The following PAM variants were observed in gnomAD, a reference collection of about 807,000 sequenced individuals.
PAM encodes the protein peptidyl-glycine alpha-amidating monooxygenase.
PAM carries 72 observed loss-of-function variants against 122.1 expected under a neutral mutation model. The ratio of observed to expected loss-of-function variants is 0.59; its 90% CI spans 0.49 to 0.72. The LOEUF (loss-of-function observed/expected upper bound fraction) is 0.72, where lower values mean the gene tolerates loss of function less well. Ranked by LOEUF, PAM falls within the 30% of genes least tolerant of loss-of-function variation. The pLI is 0.00. For missense variants in PAM, 1,106 were observed against 1,183.7 expected, an observed-to-expected ratio of 0.93 and a Z score of 0.96; for synonymous variants, 389 against 404.4, an observed-to-expected ratio of 0.96 and a Z score of 0.46.
intron 1 of PAM, among the ~76,000 whole-genome samples, chr5:102,860,079 T>C (rs976296537): frequency 1.2e-4 from 18 of 152,320 alleles, no homozygotes; most frequent in African/African-American, 4.3e-4. Context: ...TTCTATAATT[T>C]GCTGTTCAAA....
intron 3 of PAM, among the ~76,000 whole-genome samples, chr5:102,867,984 T>C (rs545756590): frequency 6.6e-6 from 1 of 152,360 alleles, no homozygotes; most frequent in East Asian, 1.9e-4. Flanking sequence ...TAGAGCATTT[T>C]GTGTAGAACT....
At chr5:102,888,635 A>T (rs554927580) in intron 3 of PAM, among the ~76,000 whole-genome samples, 1 of 151,722 alleles carries the variant, frequency 6.6e-6, no homozygotes, top group South Asian at 2.1e-4. Context: ...ACTTACTCCC[A>T]TCTCAGGGTT....
intron 7 of PAM, among the ~76,000 whole-genome samples, chr5:102,931,853 C>T (rs1751654594): frequency 6.6e-6 from 1 of 150,966 alleles, no homozygotes; most frequent in Non-Finnish European, 1.5e-5. Flanking sequence ...GGCTTGTTTC[C>T]ATGCCTTTCT....
chr5:102,775,437 A>G (rs922635287), intron 1 of PAM, among the ~76,000 whole-genome samples: 2 of 152,036 alleles, frequency 1.3e-5, no homozygotes, highest in Non-Finnish European at 1.5e-5. Context: ...CTATCAACCC[A>G]TCACCTAGGT....
At chr5:102,917,407 G>T (rs1043982190) in intron 5 of PAM, among the ~76,000 whole-genome samples, 3 of 152,160 alleles carry the variant, frequency 2.0e-5, no homozygotes, top group Non-Finnish European at 4.4e-5. Flanking sequence ...GCACTTAAAT[G>T]AAGACTCCTA....
rs530861586 is a variant in PAM at position 102,941,972 on chromosome 5, T to C, written c.527-4865T>C. Among the ~76,000 whole-genome samples the C allele has an allele frequency of 3.0e-4, 45 of 152,246 alleles. 1 individual carries two copies. The highest frequency in any genetic ancestry group is 3.4e-3 in the Middle Eastern group (1 of 292). On this transcript the variant is annotated intron_variant, in intron 7 of 25. Coordinates refer to ENST00000438793, the MANE Select transcript of PAM (RefSeq NM_001177306.2). ...TCCCTCAGTTGGGTTCATTTTTTAT[T>C]TGCCTCTCATACCTATGTCCCATCT... is the stretch of plus-strand genomic sequence containing the variant.
At chr5:102,846,257 G>T (rs991542899) in intron 1 of PAM, among the ~76,000 whole-genome samples, 5 of 152,150 alleles carry the variant, frequency 3.3e-5, no homozygotes, top group African/African-American at 9.7e-5. Context: ...GAATGAGCTT[G>T]TAAAACACAC....
At chr5:102,928,932 C>G (rs533993081) in intron 7 of PAM, among the ~76,000 whole-genome samples, 1 of 152,014 alleles carries the variant, frequency 6.6e-6, no homozygotes, top group Non-Finnish European at 1.5e-5. Flanking sequence ...AAATGGCCCT[C>G]ACTAGGACAT....
intron 1 of PAM, among the ~76,000 whole-genome samples, chr5:102,837,244 C>T (rs1254968823): frequency 6.6e-6 from 1 of 152,182 alleles, no homozygotes; most frequent in Admixed American, 6.6e-5. Context: ...GCTTCATCAT[C>T]TTCGTACCAC....
intron 15 of PAM, chr5:102,989,771 C>T (rs1773399018): frequency 1.4e-5 from 2 of 142,044 alleles, no homozygotes; most frequent in Non-Finnish European, 3.1e-5. Context: ...ACTGAATATC[C>T]AGAATTTACT....
intron 3 of PAM, among the ~76,000 whole-genome samples, chr5:102,895,217 T>C (rs1795876439): frequency 6.6e-6 from 1 of 151,816 alleles, no homozygotes; most frequent in Non-Finnish European, 1.5e-5. Flanking sequence ...GCTAAAACAT[T>C]GCCAACCCCC....
chr5:102,946,613 C>T (rs3776874), intron 7 of PAM, among the ~76,000 whole-genome samples: 41,981 of 147,316 alleles, frequency 0.28, 6,279 homozygotes, highest in East Asian at 0.43. Context: ...TCAAGAAATA[C>T]CATAGACTGC....
intron 15 of PAM, 21 bp from the exon 16 acceptor site, chr5:102,990,251 A>C (rs769615382): frequency 4.0e-6 from 6 of 1,512,210 alleles, no homozygotes; most frequent in Non-Finnish European, 4.5e-6. Flanking sequence ...TTTACACTAA[A>C]TGTGTGGATA....
At chr5:102,998,929 A>G (rs571247257) in intron 16 of PAM, among the ~76,000 whole-genome samples, 2 of 152,324 alleles carry the variant, frequency 1.3e-5, no homozygotes, top group African/African-American at 4.8e-5. Context: ...AGACTGGGTA[A>G]TTTATAAAGG....
In PAM at chr5:103,010,115, T is replaced by A. The variant is rs576966236; in HGVS notation, c.2331+249T>A. On this transcript the variant is annotated intron_variant, in intron 21 of 25. Transcript: ENST00000438793. ...TAGCACGTGTGCAGTTCTAAGGTTCTTAGTAGAACTGCACCTGCATATGAT... is the reference window on the plus strand; with the variant it reads ...TAGCACGTGTGCAGTTCTAAGGTTCATAGTAGAACTGCACCTGCATATGAT... Among the ~76,000 whole-genome samples the A allele has an allele frequency of 2.6e-5, 4 of 152,320 alleles. No homozygotes were observed. In the South Asian group the frequency reaches 6.2e-4, roughly 24 times the overall value.
rs1289467854 is a variant in PAM, at chr5:103,020,405, T to A, written c.2485+562T>A. The stretch of plus-strand genomic sequence containing the variant: ...GACTGCACCTGACCTTATAGCCTTA[T>A]AAGGAGAGAGGGGGAAATTTACATA... On this transcript the variant is annotated intron_variant, in intron 23 of 25. Transcript: ENST00000438793. Among the ~76,000 whole-genome samples the A allele has an allele frequency of 2.0e-5, 3 of 152,224 alleles. No homozygotes were observed. In the East Asian group the frequency reaches 5.8e-4, roughly 29 times the overall value.
At chr5:102,817,333 T>C (rs537292482) in intron 1 of PAM, among the ~76,000 whole-genome samples, 2 of 152,272 alleles carry the variant, frequency 1.3e-5, no homozygotes, top group East Asian at 3.9e-4. Context: ...AGCCACTTGC[T>C]ACATGTGGCT....
chr5:102,926,283 A>G (rs1310934187), intron 6 of PAM, among the ~76,000 whole-genome samples: 5 of 152,230 alleles, frequency 3.3e-5, no homozygotes, highest in Admixed American at 6.5e-5. Context: ...TAAATAATCA[A>G]TAGAGACAGA....
At chr5:102,809,377 C>CA (rs1276148256) in intron 1 of PAM, among the ~76,000 whole-genome samples, 6 of 141,034 alleles carry the variant, frequency 4.3e-5, no homozygotes, top group Admixed American at 2.1e-4. Flanking sequence ...AAAAAGAAAA[C>CA]AAAAAACAAA....
Sources: allele counts gnomAD v4.1 joint callset (sites outside exome capture counted in the v4.1 genomes callset), GRCh38; gene constraint gnomAD v4.1.1; transcripts MANE v1.5; gene names NCBI Gene and HGNC (gene_info 2026-07-23, HGNC 2026-07-21).